The following IRS4 variants were observed in gnomAD, a reference collection of about 807,000 sequenced individuals.
IRS4 encodes 160 kDa phosphotyrosine protein.
Under a neutral mutation model 48.6 loss-of-function variants are expected in IRS4, and 15 were observed. The ratio of observed to expected loss-of-function variants is 0.31; its 90% CI spans 0.21 to 0.48. IRS4 has a LOEUF of 0.48. IRS4 is among the 20% of genes least tolerant of loss of function. The pLI is 0.99. For synonymous variants in IRS4, 459 were observed against 413.2 expected (o/e 1.11, Z -1.34); for missense variants, 987 against 1,023.4 (o/e 0.96, Z 0.49).
At position 108,720,238 on chromosome X, in the gene IRS4, A is replaced by C. The variant is rs775163226; in HGVS notation, c.*2281T>G. On this transcript the variant is annotated 3_prime_UTR_variant, in exon 2 of 2. Transcript: ENST00000372129. ...CTATGCCTGATATCAAATTAAATGT[A>C]GAGGTCACACACACAAAAATATTCC... 1 of 112,529 alleles carries C rather than the reference A, an allele frequency of 8.9e-6. No homozygotes were observed. The highest frequency in any genetic ancestry group is 1.9e-5 in the Non-Finnish European group (1 of 53,338). The allele number at this position is 112,529 out of a possible 1,213,427, so 9.3% of individuals were successfully genotyped here.
chrX:108,736,044 C>G lies in IRS4; in HGVS notation c.301G>C (p.Glu101Gln), dbSNP rs752468402. The G allele has an allele frequency of 1.7e-6, 2 of 1,210,619 alleles. No homozygotes were observed. The highest frequency in any genetic ancestry group is 1.8e-5 in the South Asian group (1 of 56,960). ...GHRRYFVLKL[E>Q]TADAPARLEY... ...AGCCGAGCTGGGGCGTCAGCAGTCT[C>G]GAGTTTGAGCACGAAGTAGCGCCTG... is the stretch of plus-strand genomic sequence containing the variant. Residue 101 changes from glutamate to glutamine, a missense_variant, in exon 1 of 2, where the codon GAG (glutamate) becomes CAG (glutamine). By Grantham distance (29) the Glu-to-Gln change is conservative. Transcript: ENST00000372129.
In IRS4 at chrX:108,732,935, G is replaced by A. The variant is rs1345227691; in HGVS notation, c.3410C>T (p.Ala1137Val). ...GCCCGGGGCTGCGGCGAGCGCGGAG[G>A]CCGCAGCTACAACTTGGCTGAGGGC... The part of the protein sequence containing the change: ...TLALSQVVAA[A>V]SALAAAPGIG... The change falls in exon 1 of 2, where the codon GCC becomes GTC. Residue 1137 changes from alanine (A) to valine (V), a missense_variant. Ala to Val is a moderately conservative substitution (Grantham distance 64). Around this residue, in one of 4 missense-constraint regions of IRS4, gnomAD observed 720 missense variants for 660.3 expected, o/e 1.09. Transcript: ENST00000372129. 2 of 1,186,716 alleles carry A rather than the reference G, an allele frequency of 1.7e-6. No homozygotes were observed. The highest frequency in any genetic ancestry group is 2.3e-6 in the Non-Finnish European group (2 of 881,283).
Position 108,732,916 on chromosome X carries a change from G to T in IRS4, c.3429C>A (p.Ala1143=). Reference sequence around the variant, plus strand: ...CTGCGGCTGCTGCGCCGATGCCCGGGGCTGCGGCGAGCGCGGAGGCCGCAG... The same window carrying T: ...CTGCGGCTGCTGCGCCGATGCCCGGTGCTGCGGCGAGCGCGGAGGCCGCAG... The part of the protein sequence containing the change: ...VVAAASALAA[A]PGIGAAAAAA... Residue 1143 remains alanine, a synonymous_variant, in exon 1 of 2, where the codon GCC becomes GCA. Transcript: ENST00000372129. 1 of 1,181,259 alleles carries T rather than the reference G, an allele frequency of 8.5e-7. No individual in the cohort carries two copies. Among genetic ancestry groups the T allele is most frequent in the Non-Finnish European group, 1.1e-6 (1 of 878,769 alleles).
chrX:108,723,586 G>C (rs773949169), intron 1 of IRS4: 1 of 112,127 alleles, frequency 8.9e-6, no homozygotes, highest in Non-Finnish European at 1.9e-5. Flanking sequence ...TAGATTAGAA[G>C]TTTAAAAAAA....
intron 1 of IRS4, among the ~76,000 whole-genome samples, chrX:108,730,719 C>A (rs768592142): frequency 3.6e-5 from 4 of 111,880 alleles, no homozygotes; most frequent in Non-Finnish European, 7.5e-5. Context: ...TCTAGGTATT[C>A]CTTGGGAAGT....
In IRS4 at chrX:108,732,790, C is replaced by T; in HGVS notation, c.3555G>A (p.Ser1185=). Residue 1185 remains serine, a synonymous_variant, in exon 1 of 2, where the codon TCG becomes TCA. Transcript: ENST00000372129. ...CAGATGGGTTGTGGGCTCCAGGGTT[C>T]GAGCCACCGGCAACGTCTTGGGCTC... is the stretch of plus-strand genomic sequence containing the variant. ...VRGAQDVAGG[S]NPGAHNPSAN... The T allele has an allele frequency of 1.7e-6, 2 of 1,195,828 alleles. No homozygotes were observed. Among genetic ancestry groups the T allele is most frequent in the Non-Finnish European group, 2.3e-6 (2 of 885,833 alleles).
rs977033665 is a variant in IRS4, at chrX:108,722,341, A to G, written c.*178T>C. The G allele has an allele frequency of 3.4e-4, 76 of 226,111 alleles. 1 individual carries two copies. The Admixed American group carries it at 3.8e-3, about 11-fold the overall frequency. 18.6% of individuals were successfully genotyped at this position (226,111 alleles called of 1,213,427 possible). On this transcript the variant is annotated 3_prime_UTR_variant, in exon 2 of 2. Coordinates refer to ENST00000372129, the MANE Select transcript of IRS4 (RefSeq NM_001379150.1). ...GGATCCATAAGCAGCAGTATGAATGATCTGCATGAATAGGATCATTCAATT... is the reference window on the plus strand; with the variant it reads ...GGATCCATAAGCAGCAGTATGAATGGTCTGCATGAATAGGATCATTCAATT...
chrX:108,736,067 C>T lies in IRS4; in HGVS notation c.278G>A (p.Arg93Lys). Residue 93 changes from arginine to lysine, a missense_variant, in exon 1 of 2, where the codon AGG (arginine) becomes AAG (lysine). Around this residue, in one of 4 missense-constraint regions of IRS4, gnomAD observed 173 missense variants for 208.9 expected, o/e 0.83. Coordinates refer to ENST00000372129, the MANE Select transcript of IRS4 (RefSeq NM_001379150.1). ...CTCGAGTTTGAGCACGAAGTAGCGC[C>T]TGTGCCCATGCTTCTGTTTCCGCAG... ...GYLRKQKHGH[R>K]RYFVLKLETA... The T allele has an allele frequency of 8.3e-7, 1 of 1,210,917 alleles. No individual in the cohort carries two copies. Among genetic ancestry groups the T allele is most frequent in the Non-Finnish European group, 1.1e-6 (1 of 895,395 alleles).
rs778028218 is a variant in IRS4 at position 108,735,059 on chromosome X, G to T, written c.1286C>A (p.Pro429Gln). 8.3e-7 allele frequency: 1 copy of T among 1,211,861 alleles called. No homozygotes were observed. Residue 429 changes from proline (P) to glutamine (Q), a missense_variant, in exon 1 of 2, where the codon CCG becomes CAG. Coordinates refer to ENST00000372129, the MANE Select transcript of IRS4 (RefSeq NM_001379150.1). ...GRRSRRAVSV[P>Q]ASFFRRLAPS... ...TGCTAAGCGGCGAAAAAAGCTGGCCGGCACTGAAACCGCTCTCCTTGACCT... is the reference window on the plus strand; with the variant it reads ...TGCTAAGCGGCGAAAAAAGCTGGCCTGCACTGAAACCGCTCTCCTTGACCT...
Position 108,732,800 on chromosome X carries a change from G to C in IRS4, c.3545C>G (p.Ala1182Gly), listed in dbSNP as rs1227183149. The change falls in exon 1 of 2, where the codon GCC (alanine) becomes GGC (glycine). Residue 1182 changes from alanine (A) to glycine (G), a missense_variant. By Grantham distance (60) the Ala-to-Gly change is moderately conservative. Around this residue, in one of 4 missense-constraint regions of IRS4, gnomAD observed 720 missense variants for 660.3 expected, o/e 1.09. Transcript: ENST00000372129. ...GTGGGCTCCAGGGTTCGAGCCACCG[G>C]CAACGTCTTGGGCTCCCCTTACTGC... Reference protein sequence around the residue: ...AEAVRGAQDVAGGSNPGAHNP... With the variant: ...AEAVRGAQDVGGGSNPGAHNP... The C allele has an allele frequency of 1.7e-6, 2 of 1,192,248 alleles. No individual in the cohort carries two copies. Among genetic ancestry groups the C allele is most frequent in the Non-Finnish European group, 2.3e-6 (2 of 884,600 alleles).
Position 108,733,481 on chromosome X carries a change from GCTGA to G in IRS4, c.2860_2863del (p.Ser954ProfsTer6), listed in dbSNP as rs764843750. On this transcript the variant is annotated frameshift_variant, in exon 1 of 2. Transcript: ENST00000372129. LOFTEE classifies it high-confidence loss of function. ...CTCAACATTCACATAATTAGAAAAG[GCTGA>G]CTGTCTGGGTTCAGCAATTATGCCC... The G allele has an allele frequency of 1.7e-6, 2 of 1,211,605 alleles. No homozygotes were observed. Among genetic ancestry groups the G allele is most frequent in the Non-Finnish European group, 1.1e-6 (1 of 895,480 alleles).
chrX:108,733,733 C>G lies in IRS4; in HGVS notation c.2612G>C (p.Gly871Ala). Residue 871 changes from glycine to alanine, a missense_variant, in exon 1 of 2, where the codon GGA (glycine) becomes GCA (alanine). Physicochemically the swap from Gly to Ala is moderately conservative, Grantham distance 60. Coordinates refer to ENST00000372129, the MANE Select transcript of IRS4 (RefSeq NM_001379150.1). ...ATGATCTGAAGGCTTTGAAGGTGATCCCCCATCTCCAGGCTTTGAGAATGA... is the reference window on the plus strand; with the variant it reads ...ATGATCTGAAGGCTTTGAAGGTGATGCCCCATCTCCAGGCTTTGAGAATGA... ...EGSFSKPGDG[G>A]SPSKPSDHEP... 2 of 1,211,354 alleles carry G rather than the reference C, an allele frequency of 1.7e-6. No individual in the cohort carries two copies. The highest frequency in any genetic ancestry group is 2.2e-6 in the Non-Finnish European group (2 of 895,379).
At position 108,734,147 on chromosome X, in the gene IRS4, G is replaced by A. The variant is rs1234720524; in HGVS notation, c.2198C>T (p.Ser733Phe). ...QNVSASKKRH[S>F]RSPFEDSRGY... ...TCTTGAATCTTCAAAAGGGGATCGAGAGTGGCGCTTTTTTGAAGCAGAGAC... is the reference window on the plus strand; with the variant it reads ...TCTTGAATCTTCAAAAGGGGATCGAAAGTGGCGCTTTTTTGAAGCAGAGAC... Residue 733 changes from serine to phenylalanine, a missense_variant, in exon 1 of 2, where the codon TCT becomes TTT. By Grantham distance (155) the Ser-to-Phe change is radical. Coordinates refer to ENST00000372129, the MANE Select transcript of IRS4 (RefSeq NM_001379150.1). 1 of 1,209,246 alleles carries A rather than the reference G, an allele frequency of 8.3e-7. No homozygotes were observed. The highest frequency in any genetic ancestry group is 1.8e-5 in the African/African-American group (1 of 56,835).
At position 108,733,402 on chromosome X, in the gene IRS4, A is replaced by G; in HGVS notation, c.2943T>C (p.Ala981=). ...GAGATAAGGGGTTGGCACGTGGTATAGCTCTTAAAAGATCTGAGAGGTCGT... is the reference window on the plus strand; with the variant it reads ...GAGATAAGGGGTTGGCACGTGGTATGGCTCTTAAAAGATCTGAGAGGTCGT... ...PANDLSDLLR[A]IPRANPLSLD... is the part of the protein sequence containing the mutation. Residue 981 remains alanine (A), a synonymous_variant, in exon 1 of 2, where the codon GCT becomes GCC. Transcript: ENST00000372129. 8.3e-7 allele frequency: 1 copy of G among 1,211,853 alleles called. No individual in the cohort carries two copies. The highest frequency in any genetic ancestry group is 1.1e-6 in the Non-Finnish European group (1 of 895,526).
chrX:108,721,968 T>A lies in IRS4; in HGVS notation c.*551A>T, dbSNP rs936832429. The A allele has an allele frequency of 9.0e-6, 1 of 111,693 alleles. No homozygotes were observed. The highest frequency in any genetic ancestry group is 1.9e-5 in the Non-Finnish European group (1 of 53,123). The allele number at this position is 111,693 out of a possible 1,213,427, so 9.2% of individuals were successfully genotyped here. A position where few individuals can be genotyped will look rare whatever the true frequency, so the allele number is the denominator to read the frequency against. On this transcript the variant is annotated 3_prime_UTR_variant, in exon 2 of 2. Transcript: ENST00000372129. The stretch of plus-strand genomic sequence containing the variant: ...ATACTGGTAATGCCCCATCAAGATA[T>A]CAGTTCAGTTGACATTTAATTCATT...
chrX:108,735,763 G>A lies in IRS4; in HGVS notation c.582C>T (p.Leu194=). Residue 194 remains leucine, a synonymous_variant, in exon 1 of 2, where the codon CTC becomes CTT. Coordinates refer to ENST00000372129, the MANE Select transcript of IRS4 (RefSeq NM_001379150.1). ...GCTTGCTCTCGAGGATGAGGCGGCT[G>A]AGCAGCAAGTACCAGCTTTCCTGCT... is the stretch of plus-strand genomic sequence containing the variant. ...ESEQESWYLL[L]SRLILESKRR... is the part of the protein sequence containing the mutation. 8.3e-7 allele frequency: 1 copy of A among 1,206,971 alleles called. No individual in the cohort carries two copies. Among genetic ancestry groups the A allele is most frequent in the Non-Finnish European group, 1.1e-6 (1 of 893,533 alleles).
rs751658745 is a variant in IRS4 at position 108,735,138 on chromosome X, T to C, written c.1207A>G (p.Ser403Gly). 5.8e-6 allele frequency: 7 copies of C among 1,209,462 alleles called. No homozygotes were observed. In the South Asian group the frequency reaches 1.1e-4, roughly 18 times the overall value. Residue 403 changes from serine (S) to glycine (G), a missense_variant, in exon 1 of 2, where the codon AGC becomes GGC. Transcript: ENST00000372129. ...CGCCTGGAGTGGGCCACAGGCTCGC[T>C]GGGTGTTACGAAGCGCCTGGTGAAA... ...MLFTRRFVTP[S>G]EPVAHSRRGR...
Position 108,735,747 on chromosome X carries a change from C to T in IRS4, c.598G>A (p.Glu200Lys). 8.4e-7 allele frequency: 1 copy of T among 1,197,084 alleles called. No homozygotes were observed. Among genetic ancestry groups the T allele is most frequent in the Non-Finnish European group, 1.1e-6 (1 of 888,858 alleles). Residue 200 changes from glutamate to lysine, a missense_variant, in exon 1 of 2, where the codon GAG becomes AAG. This residue lies in a region of IRS4 where 173 missense variants were observed against 208.9 expected (regional missense o/e 0.83). Transcript: ENST00000372129. ...GTGCCGCAGCGGCGGCGCTTGCTCT[C>T]GAGGATGAGGCGGCTGAGCAGCAAG... The part of the protein sequence containing the change: ...WYLLLSRLIL[E>K]SKRRRCGTLG...
At position 108,736,428 on chromosome X, in the gene IRS4, C is replaced by G. The variant is rs2068955544; in HGVS notation, c.-84G>C. The stretch of plus-strand genomic sequence containing the variant: ...GTTGGGGGAAGAGGCTGTCTACCCT[C>G]GTCTGCCCGCCCCAGCCCCCTCCTG... On this transcript the variant is annotated 5_prime_UTR_variant, in exon 1 of 2. Coordinates refer to ENST00000372129, the MANE Select transcript of IRS4 (RefSeq NM_001379150.1). The G allele has an allele frequency of 4.3e-6, 5 of 1,170,511 alleles. No homozygotes were observed. The highest frequency in any genetic ancestry group is 1.8e-5 in the African/African-American group (1 of 56,314).
Sources: allele counts gnomAD v4.1 joint callset (sites outside exome capture counted in the v4.1 genomes callset), GRCh38; gene constraint gnomAD v4.1.1; regional missense constraint gnomAD v4.1.1; transcripts MANE v1.5; gene names NCBI Gene and HGNC (gene_info 2026-07-23, HGNC 2026-07-21).